The following SEC23A variants were observed in gnomAD, a reference collection of about 807,000 sequenced individuals.
SEC23A encodes the protein SEC23 homolog A, COPII component.
SEC23A carries 56 observed loss-of-function variants against 103.7 expected under a neutral mutation model. The ratio of observed to expected loss-of-function variants is 0.54; its 90% CI spans 0.44 to 0.67. The LOEUF (loss-of-function observed/expected upper bound fraction) is 0.67, where lower values mean the gene tolerates loss of function less well. Ranked by LOEUF, SEC23A falls within the 30% of genes least tolerant of loss-of-function variation. The pLI is 0.00. For missense variants in SEC23A, 784 were observed against 936.4 expected (o/e 0.84, Z 2.12); for synonymous variants, 281 against 293.0 (o/e 0.96, Z 0.42).
At chr14:39,092,217 G>GTCTA (rs1183623974) in intron 4 of SEC23A, among the ~76,000 whole-genome samples, 2 of 152,108 alleles carry the variant, frequency 1.3e-5, no homozygotes, top group Admixed American at 1.3e-4. Context: ...AGACCTGGGG[G>GTCTA]ATACATTAGC....
chr14:39,042,614 T>A (rs1162745420), intron 17 of SEC23A, among the ~76,000 whole-genome samples, 172 bp downstream of exon 17: 1 of 152,228 alleles, frequency 6.6e-6, no homozygotes, highest in Non-Finnish European at 1.5e-5. Context: ...GTGGGTCAAC[T>A]GCAATTGAAG....
intron 9 of SEC23A, among the ~76,000 whole-genome samples, chr14:39,071,327 A>G (rs2084883431): frequency 2.0e-5 from 3 of 152,200 alleles, no homozygotes; most frequent in Admixed American, 2.0e-4. Context: ...GGACGGGCAC[A>G]GTGGCTCATG....
At chr14:39,090,654 T>G (rs1454664478) in intron 5 of SEC23A, among the ~76,000 whole-genome samples, 2 of 152,204 alleles carry the variant, frequency 1.3e-5, no homozygotes, top group African/African-American at 2.4e-5. Flanking sequence ...CCACCAAGGT[T>G]CTCGGTTCTT....
chr14:39,096,639 A>C (rs138806250), intron 1 of SEC23A, among the ~76,000 whole-genome samples: 1 of 152,348 alleles, frequency 6.6e-6, no homozygotes, highest in African/African-American at 2.4e-5. Flanking sequence ...ACAAGGCCCA[A>C]TAAGAGGTAT....
At chr14:39,037,025 C>T (rs1566478002) in intron 19 of SEC23A, among the ~76,000 whole-genome samples, 1 of 152,038 alleles carries the variant, frequency 6.6e-6, no homozygotes, top group African/African-American at 2.4e-5. Context: ...ATAAAGTCAC[C>T]TTTTATGACA....
At chr14:39,095,083 CTG>C (rs1252015171) in intron 2 of SEC23A, 14 of 671,720 alleles carry the variant, frequency 2.1e-5, no homozygotes, top group East Asian at 1.6e-4. Context: ...AGGAAAAAGA[CTG>C]TGGTATCTTG....
chr14:39,074,579 A>T, intron 8 of SEC23A, 49 bp from the exon 9 acceptor site: 1 of 1,200,918 alleles, frequency 8.3e-7, no homozygotes, highest in Non-Finnish European at 1.2e-6. Flanking sequence ...TGTCCTATAA[A>T]TCTTTTTTCC....
chr14:39,065,435 T>C (rs572157212), intron 10 of SEC23A, among the ~76,000 whole-genome samples: 78 of 152,346 alleles, frequency 5.1e-4, no homozygotes, highest in African/African-American at 1.7e-3. Context: ...AAGCTTACTT[T>C]TGTTTTCTTA....
At chr14:39,041,190 G>A (rs950654040) in intron 17 of SEC23A, 10 of 226,236 alleles carry the variant, frequency 4.4e-5, no homozygotes, top group Admixed American at 3.7e-4. Context: ...CTTATGATAC[G>A]TGAAAGCAAT....
At chr14:39,052,779 C>T (rs1254376496) in intron 14 of SEC23A, among the ~76,000 whole-genome samples, 1 of 152,122 alleles carries the variant, frequency 6.6e-6, no homozygotes, top group Non-Finnish European at 1.5e-5. Flanking sequence ...AAAAGTCACA[C>T]AGTTGTTGAG....
intron 13 of SEC23A, among the ~76,000 whole-genome samples, chr14:39,061,225 T>C (rs1886463455): frequency 1.3e-5 from 2 of 152,126 alleles, no homozygotes; most frequent in Admixed American, 1.3e-4. Context: ...CCACAGACAA[T>C]GTGAGGATGA....
Position 39,094,420 on chromosome 14 carries a change from ATATATATATATATATATATATAT to A in SEC23A, c.222-1199_222-1177del, listed in dbSNP as rs1887801492. 1.3e-4 allele frequency among the ~76,000 whole-genome samples: 8 copies of A among 62,548 alleles called. 1 individual carries two copies. Among genetic ancestry groups the A allele is most frequent in the African/African-American group, 1.1e-3 (8 of 7,602 alleles). The allele number at this position is 62,548 out of a possible 152,430, so 41.0% of individuals were successfully genotyped here. A position where few individuals can be genotyped will look rare whatever the true frequency, so the allele number is the denominator to read the frequency against. ...CACATATATATATATATATATATAT[ATATATATATATATATATATATAT>A]TTTTTTTTTTTTTTTTTCCCCTCCT... On this transcript the variant is annotated intron_variant, in intron 2 of 19. Transcript: ENST00000307712.
rs1885353920 is a variant in SEC23A at position 39,033,138 on chromosome 14, T to A, written c.*101A>T. The stretch of plus-strand genomic sequence containing the variant: ...TCAAACCATACTAATACAAAAAATA[T>A]AGAGCAATATCTGTTGGTTTCCACA... On this transcript the variant is annotated 3_prime_UTR_variant, in exon 20 of 20. Transcript: ENST00000307712. The A allele has an allele frequency of 1.2e-6, 1 of 839,992 alleles. No homozygotes were observed. 52.0% of individuals were successfully genotyped at this position (839,992 alleles called of 1,614,324 possible). A position where few individuals can be genotyped will look rare whatever the true frequency, so the allele number is the denominator to read the frequency against.
At chr14:39,063,564 A>G (rs1042100542) in intron 11 of SEC23A, 151 bp from the exon 12 acceptor site, 56 of 529,750 alleles carry the variant, frequency 1.1e-4, no homozygotes, top group Non-Finnish European at 1.7e-4. Context: ...TTTTAAGACC[A>G]TAAGTATATT....
intron 15 of SEC23A, among the ~76,000 whole-genome samples, chr14:39,048,270 T>C (rs1392772800): frequency 4.6e-5 from 7 of 152,040 alleles, no homozygotes; most frequent in Non-Finnish European, 1.0e-4. Flanking sequence ...ATAAAATAGA[T>C]ACCATAAAAA....
intron 15 of SEC23A, 118 bp from the exon 16 acceptor site, chr14:39,045,442 A>G (rs1885797154): frequency 2.9e-6 from 2 of 687,364 alleles, no homozygotes; most frequent in Non-Finnish European, 4.7e-6. Context: ...TGTTATTATA[A>G]GAATGTTCTA....
intron 15 of SEC23A, chr14:39,047,404 A>C: frequency 1.8e-5 from 23 of 1,288,910 alleles, no homozygotes; most frequent in Non-Finnish European, 2.3e-5. Flanking sequence ...CTGGTTCTCC[A>C]GGATCTCACC....
Position 39,055,078 on chromosome 14 carries a change from TG to T in SEC23A, c.1659+64del, listed in dbSNP as rs1156483456. 7 of 1,588,692 alleles carry T rather than the reference TG, an allele frequency of 4.4e-6. No homozygotes were observed. The African/African-American group carries it at 9.4e-5, about 21-fold the overall frequency. On this transcript the variant is annotated intron_variant, in intron 14 of 19. Coordinates refer to ENST00000307712, the MANE Select transcript of SEC23A (RefSeq NM_006364.4). ...GTTAAGTACTTTGAAAGAGATTATC[TG>T]CAACAAACATTTACTACAAATGAAA... is the stretch of plus-strand genomic sequence containing the variant.
At chr14:39,101,437 G>C (rs1164488492) in intron 1 of SEC23A, among the ~76,000 whole-genome samples, 1 of 151,764 alleles carries the variant, frequency 6.6e-6, no homozygotes, top group Non-Finnish European at 1.5e-5. Context: ...GGCCAATATG[G>C]TTAAACCCCG....
Sources: allele counts gnomAD v4.1 joint callset (sites outside exome capture counted in the v4.1 genomes callset), GRCh38; gene constraint gnomAD v4.1.1; transcripts MANE v1.5; gene names NCBI Gene and HGNC (gene_info 2026-07-23, HGNC 2026-07-21).